Variants in DNAAF3 observed in about 807,000 individuals in gnomAD.
DNAAF3 encodes UPF0470 protein C19orf51.
In DNAAF3, 40 loss-of-function variants were observed where a neutral mutation model predicts 50.9. That is an observed-to-expected ratio of 0.79 (90% CI 0.61 to 1.02). The LOEUF (loss-of-function observed/expected upper bound fraction) is 1.02, where lower values mean the gene tolerates loss of function less well. Ranked by LOEUF, DNAAF3 falls within the 50% of genes least tolerant of loss-of-function variation. The pLI, the probability that DNAAF3 is intolerant of heterozygous loss-of-function variation, is 0.00. For synonymous variants in DNAAF3, 327 were observed against 322.8 expected, an observed-to-expected ratio of 1.01 and a Z score of -0.14; for missense variants, 763 against 744.7, an observed-to-expected ratio of 1.02 and a Z score of -0.29.
At position 55,161,167 on chromosome 19, in the gene DNAAF3, C is replaced by T; in HGVS notation, c.810G>A (p.Ala270=). 1.3e-6 allele frequency: 2 copies of T among 1,562,864 alleles called. No homozygotes were observed. The highest frequency in any genetic ancestry group is 1.7e-4 in the Middle Eastern group (1 of 5,728). Residue 270 remains alanine, a synonymous_variant, in exon 8 of 12, where the codon GCG becomes GCA. Coordinates refer to ENST00000524407, the MANE Select transcript of DNAAF3 (RefSeq NM_001256715.2). This position sits in a 1 kb window ranked among gnomAD's most constrained non-coding sequence, Gnocchi z 6.4. ...TGGCGATGTCCCCCCAGTACCCGCGCGCTGCCACGCGCTCCCCACGCTGGA... is the reference window on the plus strand; with the variant it reads ...TGGCGATGTCCCCCCAGTACCCGCGTGCTGCCACGCGCTCCCCACGCTGGA... ...LLSYRGERVA[A]RGYWGDIATG... is the part of the protein sequence containing the mutation.
At chr19:55,165,282 C>T (rs941229650) in intron 4 of DNAAF3, 88 bp downstream of exon 4, 3 of 1,337,442 alleles carry the variant, frequency 2.2e-6, no homozygotes, top group African/African-American at 2.9e-5. Context: ...AATAACCAAA[C>T]TTTTTAATTG....
chr19:55,158,904 A>T lies in DNAAF3; in HGVS notation c.*158T>A. 1 of 730,832 alleles carries T rather than the reference A, an allele frequency of 1.4e-6. No homozygotes were observed. Among genetic ancestry groups the T allele is most frequent in the Non-Finnish European group, 2.1e-6 (1 of 469,970 alleles). 45.3% of individuals were successfully genotyped at this position (730,832 alleles called of 1,614,324 possible). On this transcript the variant is annotated 3_prime_UTR_variant, in exon 12 of 12. Transcript: ENST00000524407. ...TAGAATCTCAGAAATGGAATTTGAA[A>T]GTCTACCAACACTCCCGGGGTGGGG... is the stretch of plus-strand genomic sequence containing the variant.
chr19:55,161,292 CG>C lies in DNAAF3; in HGVS notation c.789del (p.Arg264ValfsTer51). The C allele has an allele frequency of 6.2e-7, 1 of 1,609,270 alleles. No individual in the cohort carries two copies. The highest frequency in any genetic ancestry group is 2.2e-5 in the East Asian group (1 of 44,750). ...GGCCAGGACAGGCAGTGGACACGCA[CG>C]TAGCTCAGGAGGCGACCGGACGCCA... Reference protein sequence around the residue: ...RTLASGRLLSYRGERVAARGY... With the variant: ...RTLASGRLLSXRGERVAARGY... On this transcript the variant is annotated frameshift_variant and splice_region_variant, in exon 7 of 12. Transcript: ENST00000524407. LOFTEE classifies it high-confidence loss of function. The surrounding 1 kb of genome is among the most constrained non-coding windows in gnomAD (Gnocchi z 6.4).
intron 4 of DNAAF3, 153 bp from the exon 5 acceptor site, chr19:55,162,443 C>T (rs998522808): frequency 4.1e-6 from 4 of 984,712 alleles, no homozygotes; most frequent in Non-Finnish European, 5.2e-6. Context: ...AGAACAGGGC[C>T]GGACATGGTG....
At position 55,159,987 on chromosome 19, in the gene DNAAF3, C is replaced by A. The variant is rs774136369; in HGVS notation, c.1075G>T (p.Val359Phe). The change falls in exon 10 of 12, where the codon GTC (valine) becomes TTC (phenylalanine). Residue 359 changes from valine to phenylalanine, a missense_variant. Transcript: ENST00000524407. ...PAAPTPESFT[V>F]HFLPLNSAQT... Reference sequence around the variant, plus strand: ...GCAGAATTGAGCGGCAGGAAGTGGACGGTGAAAGATTCCGGGGTCGGGGCT... The same window carrying A: ...GCAGAATTGAGCGGCAGGAAGTGGAAGGTGAAAGATTCCGGGGTCGGGGCT... 1.3e-6 allele frequency: 2 copies of A among 1,501,150 alleles called. No homozygotes were observed. Among genetic ancestry groups the A allele is most frequent in the African/African-American group, 3.0e-5 (2 of 66,598 alleles). 93.0% of individuals were successfully genotyped at this position (1,501,150 alleles called of 1,614,324 possible). A position where few individuals can be genotyped will look rare whatever the true frequency, so the allele number is the denominator to read the frequency against.
chr19:55,160,697 C>A lies in DNAAF3; in HGVS notation c.991G>T (p.Gly331Trp), dbSNP rs7508641. The A allele has an allele frequency of 6.2e-7, 1 of 1,613,558 alleles. No homozygotes were observed. Among genetic ancestry groups the A allele is most frequent in the African/African-American group, 1.3e-5 (1 of 74,922 alleles). ...TGCTGCTGCTCCTCCAGGTCCCCCC[C>A]GGTGGCTCTCGCGCGCCCCCAGGCG... ...VAAWGRARAT[G>W]GDLEEQQHAE... Residue 331 changes from glycine (G) to tryptophan (W), a missense_variant, in exon 9 of 12, where the codon GGG (glycine) becomes TGG (tryptophan). Transcript: ENST00000524407. The surrounding 1 kb of genome is among the most constrained non-coding windows in gnomAD (Gnocchi z 4.7).
chr19:55,165,995 G>A lies in DNAAF3; in HGVS notation c.91C>T (p.Pro31Ser). ...TCGGCCTGGGAGTCTGGGTCCACAG[G>A]AGGACCTGGCAAGATGACAGCTGGC... The part of the protein sequence containing the change: ...PALDLQAESP[P>S]VDPDSQADTV... Residue 31 changes from proline to serine, a missense_variant, in exon 3 of 12, where the codon CCT (proline) becomes TCT (serine). Coordinates refer to ENST00000524407, the MANE Select transcript of DNAAF3 (RefSeq NM_001256715.2). 1 of 1,614,254 alleles carries A rather than the reference G, an allele frequency of 6.2e-7. No individual in the cohort carries two copies. The highest frequency in any genetic ancestry group is 8.5e-7 in the Non-Finnish European group (1 of 1,180,046).
At chr19:55,162,997 CTTTTTTTTTTTTTT>C (rs576178532) in intron 4 of DNAAF3, among the ~76,000 whole-genome samples, 1,274 of 92,262 alleles carry the variant, frequency 0.014, 12 homozygotes, top group Non-Finnish European at 0.019. Flanking sequence ...TTTTCTTTTT[CTTTTTTTTTTTTTT>C]TTTTTTTTTT....
chr19:55,160,078 G>T lies in DNAAF3; in HGVS notation c.1049-65C>A. 1 of 1,124,060 alleles carries T rather than the reference G, an allele frequency of 8.9e-7. No individual in the cohort carries two copies. Among genetic ancestry groups the T allele is most frequent in the Non-Finnish European group, 1.4e-6 (1 of 739,630 alleles). The allele number at this position is 1,124,060 out of a possible 1,614,324, so 69.6% of individuals were successfully genotyped here. A position where few individuals can be genotyped will look rare whatever the true frequency, so the allele number is the denominator to read the frequency against. On this transcript the variant is annotated intron_variant, in intron 9 of 11. Coordinates refer to ENST00000524407, the MANE Select transcript of DNAAF3 (RefSeq NM_001256715.2). This position sits in a 1 kb window ranked among gnomAD's most constrained non-coding sequence, Gnocchi z 4.7. ...AGCCATAAGGGCGGAAAACCAGAGA[G>T]ATACACAGAGCTGGGCAGAGCTGGG...
rs779712863 is a variant in DNAAF3, at chr19:55,162,134, T to C, written c.479A>G (p.Lys160Arg). The change falls in exon 5 of 12, where the codon AAG becomes AGG. Residue 160 changes from lysine (K) to arginine (R), a missense_variant and splice_region_variant. By Grantham distance (26) the Lys-to-Arg change is conservative. Coordinates refer to ENST00000524407, the MANE Select transcript of DNAAF3 (RefSeq NM_001256715.2). ...CAGATGGAGGCCGGGCGGCGGCACCTTGAGGGCGCGGAGGCTGAGCCAGGG... is the reference window on the plus strand; with the variant it reads ...CAGATGGAGGCCGGGCGGCGGCACCCTGAGGGCGCGGAGGCTGAGCCAGGG... Reference protein sequence around the residue: ...QLPWLSLRALKFRERDALEAV... With the variant: ...QLPWLSLRALRFRERDALEAV... 33 of 1,248,368 alleles carry C rather than the reference T, an allele frequency of 2.6e-5. No individual in the cohort carries two copies. The highest frequency in any genetic ancestry group is 3.3e-5 in the Non-Finnish European group (33 of 991,034). The allele number at this position is 1,248,368 out of a possible 1,614,324, so 77.3% of individuals were successfully genotyped here.
In DNAAF3 at chr19:55,160,886, T is replaced by C. The variant is rs58218194; in HGVS notation, c.913-111A>G. The stretch of plus-strand genomic sequence containing the variant: ...AGAACTCCCGCAGCTGCTTGGAGGA[T>C]GTGAAGTGGGGCGGGACCTATCCCG... On this transcript the variant is annotated intron_variant, in intron 8 of 11. Coordinates refer to ENST00000524407, the MANE Select transcript of DNAAF3 (RefSeq NM_001256715.2). This position sits in a 1 kb window ranked among gnomAD's most constrained non-coding sequence, Gnocchi z 4.7. The C allele has an allele frequency of 0.046, 68,046 of 1,478,252 alleles. 4,263 individuals are homozygous for C. The highest frequency in any genetic ancestry group is 0.27 in the Admixed American group (10,598 of 39,474). The allele number at this position is 1,478,252 out of a possible 1,614,324, so 91.6% of individuals were successfully genotyped here. A position where few individuals can be genotyped will look rare whatever the true frequency, so the allele number is the denominator to read the frequency against.
intron 4 of DNAAF3, among the ~76,000 whole-genome samples, chr19:55,164,685 C>T (rs1288319465): frequency 2.0e-5 from 3 of 151,854 alleles, no homozygotes; most frequent in African/African-American, 4.8e-5. Context: ...CCACCACACC[C>T]GGCTAATTGT....
At position 55,159,256 on chromosome 19, in the gene DNAAF3, T is replaced by C; in HGVS notation, c.1432A>G (p.Ile478Val). The change falls in exon 12 of 12, where the codon ATC becomes GTC. Residue 478 changes from isoleucine to valine, a missense_variant. Coordinates refer to ENST00000524407, the MANE Select transcript of DNAAF3 (RefSeq NM_001256715.2). ...AVEPGTPPLD[I>V]LAQPLEASNP... ...CTGGCTTCAAGAGGCTGGGCCAGGA[T>C]GTCAAGGGGCGGAGTTCCGGGTTCC... 1 of 1,613,984 alleles carries C rather than the reference T, an allele frequency of 6.2e-7. No homozygotes were observed. Among genetic ancestry groups the C allele is most frequent in the East Asian group, 2.2e-5 (1 of 44,884 alleles).
chr19:55,160,593 C>G lies in DNAAF3; in HGVS notation c.1048+47G>C. 6.2e-7 allele frequency: 1 copy of G among 1,613,488 alleles called. No homozygotes were observed. The highest frequency in any genetic ancestry group is 8.5e-7 in the Non-Finnish European group (1 of 1,179,880). ...TCAGTCCACACTCCAGTGTGAAACA[C>G]CTGGAGGCTGGAGTCCCTGGCTTAC... On this transcript the variant is annotated intron_variant, in intron 9 of 11. Coordinates refer to ENST00000524407, the MANE Select transcript of DNAAF3 (RefSeq NM_001256715.2). The surrounding 1 kb of genome is among the most constrained non-coding windows in gnomAD (Gnocchi z 4.7).
rs1316660288 is a variant in DNAAF3, at chr19:55,166,319, T to G, written c.85+10A>C. 2 of 1,612,816 alleles carry G rather than the reference T, an allele frequency of 1.2e-6. No individual in the cohort carries two copies. Among genetic ancestry groups the G allele is most frequent in the African/African-American group, 2.7e-5 (2 of 74,926 alleles). ...AGACGGTGTATCAGACCTTGCGTGC[T>G]GGGACTCACTTTCAGCCTGCAGGTC... On this transcript the variant is annotated intron_variant, in intron 2 of 11. Coordinates refer to ENST00000524407, the MANE Select transcript of DNAAF3 (RefSeq NM_001256715.2). This position sits in a 1 kb window ranked among gnomAD's most constrained non-coding sequence, Gnocchi z 4.0.
In DNAAF3 at chr19:55,159,519, C is replaced by T. The variant is rs2085779531; in HGVS notation, c.1238+14G>A. 5.6e-6 allele frequency: 9 copies of T among 1,597,156 alleles called. No individual in the cohort carries two copies. Among genetic ancestry groups the T allele is most frequent in the Non-Finnish European group, 7.7e-6 (9 of 1,170,554 alleles). On this transcript the variant is annotated intron_variant, in intron 11 of 11. Coordinates refer to ENST00000524407, the MANE Select transcript of DNAAF3 (RefSeq NM_001256715.2). Reference sequence around the variant, plus strand: ...CAGCCAGGATGTTCCCCACCCTCCACCCCACTGACTCACCGGGCTAATTCC... The same window carrying T: ...CAGCCAGGATGTTCCCCACCCTCCATCCCACTGACTCACCGGGCTAATTCC...
rs774063133 is a variant in DNAAF3, at chr19:55,166,576, T to C, written c.-58A>G. On this transcript the variant is annotated 5_prime_UTR_variant, in exon 1 of 12. Coordinates refer to ENST00000524407, the MANE Select transcript of DNAAF3 (RefSeq NM_001256715.2). The surrounding 1 kb of genome is among the most constrained non-coding windows in gnomAD (Gnocchi z 4.0). ...CCTTCCTCTCTGCTCAGTGCAGCAC[T>C]GTGGACCCGCGGCACTCCACAACCG... 3.1e-6 allele frequency: 5 copies of C among 1,613,940 alleles called. No individual in the cohort carries two copies. Among genetic ancestry groups the C allele is most frequent in the African/African-American group, 2.7e-5 (2 of 74,918 alleles).
At position 55,162,117 on chromosome 19, in the gene DNAAF3, G is replaced by A; in HGVS notation, c.480+16C>T. 3 of 1,244,856 alleles carry A rather than the reference G, an allele frequency of 2.4e-6. No individual in the cohort carries two copies. Among genetic ancestry groups the A allele is most frequent in the Non-Finnish European group, 3.0e-6 (3 of 990,388 alleles). 77.1% of individuals were successfully genotyped at this position (1,244,856 alleles called of 1,614,324 possible). On this transcript the variant is annotated intron_variant, in intron 5 of 11. Coordinates refer to ENST00000524407, the MANE Select transcript of DNAAF3 (RefSeq NM_001256715.2). ...CCGCGGCCACCCGATCCCAGATGGAGGCCGGGCGGCGGCACCTTGAGGGCG... is the reference window on the plus strand; with the variant it reads ...CCGCGGCCACCCGATCCCAGATGGAAGCCGGGCGGCGGCACCTTGAGGGCG...
rs2085763943 is a variant in DNAAF3 at position 55,158,706 on chromosome 19, C to A, written c.*356G>T. 1 of 208,588 alleles carries A rather than the reference C, an allele frequency of 4.8e-6. No individual in the cohort carries two copies. The highest frequency in any genetic ancestry group is 5.2e-5 in the Admixed American group (1 of 19,372). The allele number at this position is 208,588 out of a possible 1,614,324, so 12.9% of individuals were successfully genotyped here. ...TTTACTTGAACCATCTGGGTGCTGA[C>A]CAGGCCCTGGTGAGGAGACACCCCA... On this transcript the variant is annotated 3_prime_UTR_variant, in exon 12 of 12. Coordinates refer to ENST00000524407, the MANE Select transcript of DNAAF3 (RefSeq NM_001256715.2).
Sources: gnomAD v4.1 joint callset for allele counts (sites outside exome capture counted in the v4.1 genomes callset) on GRCh38, gnomAD v4.1.1 for gene constraint, Gnocchi (gnomAD v3.1) non-coding constraint, MANE v1.5 for transcripts, NCBI Gene and HGNC (gene_info 2026-07-23, HGNC 2026-07-21) for gene names.